The following LYN variants were observed in gnomAD, a reference collection of about 807,000 sequenced individuals.
The protein encoded by LYN is LYN proto-oncogene, Src family tyrosine kinase.
Under a neutral mutation model 65.0 loss-of-function variants are expected in LYN, and 12 were observed. The observed-to-expected ratio is 0.18, with a 90% CI of 0.12 to 0.30. LYN has a LOEUF of 0.30. LYN is among the 10% of genes least tolerant of loss of function. LYN has a pLI of 1.00. For synonymous variants in LYN, 222 were observed against 221.2 expected, an observed-to-expected ratio of 1.00 and a Z score of -0.03; for missense variants, 380 against 623.2, an observed-to-expected ratio of 0.61 and a Z score of 4.16.
At chr8:55,887,801 G>C (rs991163350) in intron 1 of LYN, among the ~76,000 whole-genome samples, 1 of 151,808 alleles carries the variant, frequency 6.6e-6, no homozygotes, top group African/African-American at 2.4e-5. Context: ...GTACAGACAG[G>C]GCTTTGCTGT....
At chr8:55,900,172 T>C (rs559078011) in intron 1 of LYN, among the ~76,000 whole-genome samples, 1 of 152,224 alleles carries the variant, frequency 6.6e-6, no homozygotes, top group African/African-American at 2.4e-5. Context: ...TGGTGCAATT[T>C]TTACTATAAC....
At chr8:55,981,744 T>C (rs2667981) in intron 10 of LYN, among the ~76,000 whole-genome samples, 2 of 152,092 alleles carry the variant, frequency 1.3e-5, no homozygotes, top group Non-Finnish European at 2.9e-5. Flanking sequence ...CCTCTAACTA[T>C]AGGTTTACTT....
chr8:55,907,699 T>C (rs907316095), intron 1 of LYN, among the ~76,000 whole-genome samples: 59 of 152,010 alleles, frequency 3.9e-4, no homozygotes, highest in African/African-American at 1.4e-3. Context: ...AGACCCTGTT[T>C]CTACAAAAAT....
intron 9 of LYN, among the ~76,000 whole-genome samples, 161 bp from the exon 10 acceptor site, chr8:55,969,556 G>A (rs185251029): frequency 1.1e-4 from 17 of 152,342 alleles, no homozygotes; most frequent in East Asian, 9.6e-4. Context: ...AGGGGACTGC[G>A]TTTGACCAAT....
At position 55,952,045 on chromosome 8, in the gene LYN, T is replaced by C. The variant is rs1563526094; in HGVS notation, c.567T>C (p.Asp189=). Residue 189 remains aspartate (D), a synonymous_variant, in exon 7 of 13, where the codon GAT becomes GAC. Transcript: ENST00000519728. ...AGCACTACAAAATTAGAAGTCTGGATAATGGGGGCTATTACATCTCTCCAC... is the reference window on the plus strand; with the variant it reads ...AGCACTACAAAATTAGAAGTCTGGACAATGGGGGCTATTACATCTCTCCAC... ...VIKHYKIRSL[D]NGGYYISPRI... is the part of the protein sequence containing the mutation. 1 of 1,612,444 alleles carries C rather than the reference T, an allele frequency of 6.2e-7. No individual in the cohort carries two copies. The highest frequency in any genetic ancestry group is 1.7e-5 in the Admixed American group (1 of 59,420).
intron 2 of LYN, among the ~76,000 whole-genome samples, chr8:55,943,082 G>A (rs536873671): frequency 6.6e-6 from 1 of 152,028 alleles, no homozygotes; most frequent in African/African-American, 2.4e-5. Context: ...GGTGTATTTC[G>A]GAAATACTTG....
intron 1 of LYN, among the ~76,000 whole-genome samples, chr8:55,908,646 A>G (rs1440934496): frequency 6.6e-6 from 1 of 151,952 alleles, no homozygotes; most frequent in Non-Finnish European, 1.5e-5. Flanking sequence ...TGTTACACGG[A>G]TATATTGCAG....
chr8:55,928,308 G>C (rs945283732), intron 1 of LYN, among the ~76,000 whole-genome samples: 2 of 152,158 alleles, frequency 1.3e-5, no homozygotes, highest in African/African-American at 4.8e-5. Context: ...ACCACGCCCG[G>C]CTAGTTTTTG....
intron 6 of LYN, 93 bp from the exon 7 acceptor site, chr8:55,951,873 A>G: frequency 1.0e-6 from 1 of 960,582 alleles, no homozygotes; most frequent in Non-Finnish European, 1.6e-6. Context: ...TGTATTTTGC[A>G]TATTTGTATC....
chr8:56,010,047 C>T lies in LYN; in HGVS notation c.1476C>T (p.Tyr492=), dbSNP rs1197998804. Residue 492 remains tyrosine, a synonymous_variant, in exon 13 of 13, where the codon TAC becomes TAT. Transcript: ENST00000519728. The stretch of plus-strand genomic sequence containing the variant: ...CAGAAGAGAGACCAACGTTTGACTA[C>T]TTACAGAGCGTCCTGGATGATTTCT... ...EKAEERPTFD[Y]LQSVLDDFYT... The T allele has an allele frequency of 6.2e-7, 1 of 1,614,082 alleles. No individual in the cohort carries two copies. Among genetic ancestry groups the T allele is most frequent in the Non-Finnish European group, 8.5e-7 (1 of 1,180,040 alleles).
At chr8:55,897,511 C>T (rs1805151400) in intron 1 of LYN, among the ~76,000 whole-genome samples, 1 of 152,110 alleles carries the variant, frequency 6.6e-6, no homozygotes, top group African/African-American at 2.4e-5. Flanking sequence ...CCTTTTCTAC[C>T]TCAATTTCTC....
chr8:55,979,294 G>A (rs976561914), intron 10 of LYN, among the ~76,000 whole-genome samples: 2 of 151,950 alleles, frequency 1.3e-5, no homozygotes, highest in Admixed American at 6.6e-5. Flanking sequence ...CACCCGCCTC[G>A]GCCTCCCAAA....
At position 55,969,763 on chromosome 8, in the gene LYN, G is replaced by A. The variant is rs1381065377; in HGVS notation, c.1020G>A (p.Leu340=). ...AGAGCGATGAAGGTGGCAAAGTGCT[G>A]CTTCCAAAGCTCATTGACTTTTCTG... The part of the protein sequence containing the change: ...FLKSDEGGKV[L]LPKLIDFSAQ... Residue 340 remains leucine (L), a synonymous_variant, in exon 10 of 13, where the codon CTG becomes CTA. Coordinates refer to ENST00000519728, the MANE Select transcript of LYN (RefSeq NM_002350.4). The A allele has an allele frequency of 2.5e-6, 4 of 1,614,176 alleles. No homozygotes were observed. The highest frequency in any genetic ancestry group is 1.1e-5 in the South Asian group (1 of 91,084).
intron 9 of LYN, 81 bp from the exon 10 acceptor site, chr8:55,969,636 A>G: frequency 2.0e-6 from 2 of 1,018,072 alleles, no homozygotes; most frequent in Non-Finnish European, 3.1e-6. Context: ...TTCCCCTGTA[A>G]TAGTAATGAT....
chr8:55,937,987 A>G (rs1428273049), intron 1 of LYN, among the ~76,000 whole-genome samples: 1 of 152,142 alleles, frequency 6.6e-6, no homozygotes, highest in African/African-American at 2.4e-5. Flanking sequence ...GTGAGCCACC[A>G]CACCTGGCCA....
intron 7 of LYN, among the ~76,000 whole-genome samples, chr8:55,952,785 T>A (rs1307971692): frequency 6.6e-6 from 1 of 151,902 alleles, no homozygotes; most frequent in African/African-American, 2.4e-5. Context: ...GATCTGTGTT[T>A]GTGTGTGTGT....
At chr8:55,990,542 C>A (rs543732064) in intron 10 of LYN, among the ~76,000 whole-genome samples, 3 of 152,240 alleles carry the variant, frequency 2.0e-5, no homozygotes, top group African/African-American at 4.8e-5. Context: ...TTTGCAGGGC[C>A]GTTTCAAAAT....
At chr8:55,915,476 A>G (rs777570673) in intron 1 of LYN, among the ~76,000 whole-genome samples, 78 of 152,300 alleles carry the variant, frequency 5.1e-4, no homozygotes, top group Non-Finnish European at 1.0e-3. Context: ...AAGCCAAGGC[A>G]GGCGGATCAC....
At chr8:55,998,609 TACA>T in intron 11 of LYN, 110 bp downstream of exon 11, 1 of 979,350 alleles carries the variant, frequency 1.0e-6, no homozygotes, top group Non-Finnish European at 1.6e-6. Flanking sequence ...ACTTATTTGG[TACA>T]ACATTTAAGC....
Sources: allele counts gnomAD v4.1 joint callset (sites outside exome capture counted in the v4.1 genomes callset), GRCh38; gene constraint gnomAD v4.1.1; transcripts MANE v1.5; gene names NCBI Gene and HGNC (gene_info 2026-07-23, HGNC 2026-07-21).